The following PEX11G variants were observed in gnomAD, a reference collection of about 807,000 sequenced individuals.
PEX11G encodes peroxisomal biogenesis factor 11 gamma.
Under a neutral mutation model 22.5 loss-of-function variants are expected in PEX11G, and 20 were observed. That is an observed-to-expected ratio of 0.89 (90% CI 0.62 to 1.29). The LOEUF (loss-of-function observed/expected upper bound fraction) is 1.29. Ranked by LOEUF, PEX11G falls within the 50% of genes most tolerant of loss-of-function variation. The pLI is 0.00. For synonymous variants in PEX11G, 141 were observed against 154.5 expected (o/e 0.91, Z 0.65); for missense variants, 347 against 331.3 (o/e 1.05, Z -0.37).
intron 1 of PEX11G, among the ~76,000 whole-genome samples, chr19:7,487,041 T>C (rs968996210): frequency 6.6e-6 from 1 of 150,560 alleles, no homozygotes; most frequent in Non-Finnish European, 1.5e-5. Flanking sequence ...GGCGAGACCC[T>C]GTCTAAAAAA....
At chr19:7,482,283 C>T in intron 2 of PEX11G, 72 bp from the exon 3 acceptor site, 1 of 1,441,494 alleles carries the variant, frequency 6.9e-7, no homozygotes, top group Non-Finnish European at 9.2e-7. Context: ...GTAGCCATGC[C>T]AGGTGGCAGA....
chr19:7,486,074 C>G (rs767438863), intron 1 of PEX11G, 48 bp from the exon 2 acceptor site: 18 of 1,513,638 alleles, frequency 1.2e-5, no homozygotes, highest in Middle Eastern at 2.4e-4. Flanking sequence ...TTCTGCAGAA[C>G]TGAGCTGCAT....
chr19:7,477,872 A>T (rs1446431064), intron 4 of PEX11G, among the ~76,000 whole-genome samples: 1 of 152,160 alleles, frequency 6.6e-6, no homozygotes, highest in East Asian at 1.9e-4. Flanking sequence ...AAAAAACAAA[A>T]TTAGCCAGGC....
chr19:7,479,463 G>A (rs1237753584), intron 3 of PEX11G, among the ~76,000 whole-genome samples: 7 of 152,304 alleles, frequency 4.6e-5, no homozygotes, highest in South Asian at 2.1e-4. Context: ...CAGCCTGGGC[G>A]ACAGAGGAAG....
intron 3 of PEX11G, among the ~76,000 whole-genome samples, chr19:7,481,457 C>A (rs1322485009): frequency 6.6e-6 from 1 of 152,222 alleles, no homozygotes; most frequent in African/African-American, 2.4e-5. Flanking sequence ...CCGCCTTGGC[C>A]TCCCAAAGTG....
intron 1 of PEX11G, 112 bp downstream of exon 1, chr19:7,488,839 G>A (rs2021783594): frequency 9.2e-7 from 1 of 1,087,698 alleles, no homozygotes; most frequent in Non-Finnish European, 1.4e-6. Flanking sequence ...CTCGGACGGG[G>A]CCTCTGCGAC....
upstream of PEX11G, among the ~76,000 whole-genome samples, chr19:7,492,591 C>T (rs1047408838): frequency 3.9e-5 from 6 of 151,982 alleles, no homozygotes; most frequent in African/African-American, 1.5e-4. Context: ...ACAGCACACC[C>T]GCCACTGTGC....
At chr19:7,480,661 T>G (rs1418116857) in intron 3 of PEX11G, among the ~76,000 whole-genome samples, 1 of 152,196 alleles carries the variant, frequency 6.6e-6, no homozygotes, top group East Asian at 1.9e-4. Flanking sequence ...AAGCATGTAA[T>G]TAGGACATCT....
At chr19:7,493,984 T>G (rs1299786175), upstream of PEX11G, among the ~76,000 whole-genome samples, 2 of 151,580 alleles carry the variant, frequency 1.3e-5, no homozygotes, top group Non-Finnish European at 2.9e-5. Context: ...CTTAGCTCAC[T>G]GCAACCTCTG....
chr19:7,480,001 C>T (rs1244299136), intron 3 of PEX11G, among the ~76,000 whole-genome samples: 2 of 152,080 alleles, frequency 1.3e-5, no homozygotes, highest in African/African-American at 2.4e-5. Context: ...TGGTGGCTCA[C>T]GCCTATAATT....
rs1053055757 is a variant in PEX11G, at chr19:7,477,114, G to A, written c.*88C>T. 2 of 1,253,778 alleles carry A rather than the reference G, an allele frequency of 1.6e-6. No homozygotes were observed. Among genetic ancestry groups the A allele is most frequent in the South Asian group, 3.6e-5 (2 of 55,522 alleles). The allele number at this position is 1,253,778 out of a possible 1,614,324, so 77.7% of individuals were successfully genotyped here. A position where few individuals can be genotyped will look rare whatever the true frequency, so the allele number is the denominator to read the frequency against. Reference sequence around the variant, plus strand: ...GGTTTCACCACAGGCAGCTCCATGAGAGCCCCGGCCCCTGCCCTGGCGGCT... The same window carrying A: ...GGTTTCACCACAGGCAGCTCCATGAAAGCCCCGGCCCCTGCCCTGGCGGCT... On this transcript the variant is annotated 3_prime_UTR_variant, in exon 5 of 5. Coordinates refer to ENST00000221480, the MANE Select transcript of PEX11G (RefSeq NM_080662.4).
chr19:7,493,095 C>T (rs1344528782), upstream of PEX11G: 1 of 152,234 alleles, frequency 6.6e-6, no homozygotes, highest in Non-Finnish European at 1.5e-5. Context: ...CTGCCCTGTC[C>T]AAAGATCTCT....
chr19:7,493,535 C>T (rs900049394), upstream of PEX11G, among the ~76,000 whole-genome samples: 4 of 151,866 alleles, frequency 2.6e-5, no homozygotes, highest in East Asian at 1.9e-4. Flanking sequence ...GACAGGGTCT[C>T]GCTCTGTTGC....
intron 2 of PEX11G, among the ~76,000 whole-genome samples, chr19:7,483,619 G>T (rs11880676): frequency 0.012 from 1,845 of 152,278 alleles, 34 homozygotes; most frequent in African/African-American, 0.042. Context: ...CACGGAGGAG[G>T]AGGATGCTAT....
At chr19:7,490,788 T>C (rs2021872241), upstream of PEX11G, among the ~76,000 whole-genome samples, 2 of 150,536 alleles carry the variant, frequency 1.3e-5, no homozygotes, top group Non-Finnish European at 3.0e-5. Context: ...TTCTGCCCCA[T>C]GGTAGCTTGA....
intron 2 of PEX11G, among the ~76,000 whole-genome samples, chr19:7,484,432 G>C (rs1180606431): frequency 6.6e-6 from 1 of 151,988 alleles, no homozygotes. Context: ...TAAACCATAT[G>C]TATTTGCCTA....
intron 3 of PEX11G, among the ~76,000 whole-genome samples, chr19:7,481,167 A>G (rs1977472200): frequency 6.6e-6 from 1 of 152,086 alleles, no homozygotes; most frequent in African/African-American, 2.4e-5. Context: ...TTCACCTCCA[A>G]GGCAAAGGAT....
chr19:7,490,297 CAT>C (rs1216223745), upstream of PEX11G, among the ~76,000 whole-genome samples: 1 of 152,090 alleles, frequency 6.6e-6, no homozygotes, highest in African/African-American at 2.4e-5. Context: ...ATAAGGTACA[CAT>C]GTTAATAAAT....
intron 1 of PEX11G, among the ~76,000 whole-genome samples, chr19:7,486,692 C>T (rs567535965): frequency 6.6e-5 from 10 of 152,134 alleles, no homozygotes; most frequent in South Asian, 6.2e-4. Flanking sequence ...CTCCACCTCC[C>T]GGGTTCATGC....
Sources: allele counts gnomAD v4.1 joint callset (sites outside exome capture counted in the v4.1 genomes callset), GRCh38; gene constraint gnomAD v4.1.1; transcripts MANE v1.5; gene names NCBI Gene and HGNC (gene_info 2026-07-23, HGNC 2026-07-21).